CHN1: variants seen among roughly 807,000 people sequenced by gnomAD.
CHN1 encodes N-chimaerin.
CHN1 carries 37 observed loss-of-function variants against 59.5 expected under a neutral mutation model. The observed-to-expected ratio is 0.62, with a 90% CI of 0.48 to 0.82. CHN1 has a LOEUF of 0.82. Ranked by LOEUF, CHN1 falls within the 40% of genes least tolerant of loss-of-function variation. The pLI, the probability that CHN1 is intolerant of heterozygous loss-of-function variation, is 0.00. For missense variants in CHN1, 469 were observed against 571.0 expected (o/e 0.82, Z 1.82); for synonymous variants, 206 against 200.4 (o/e 1.03, Z -0.24).
chr2:174,922,697 TATTC>T (rs976397123), intron 3 of CHN1, among the ~76,000 whole-genome samples: 3 of 152,236 alleles, frequency 2.0e-5, no homozygotes, highest in Admixed American at 6.5e-5. Flanking sequence ...GTCATTCATT[TATTC>T]ATTCATTCAC....
intron 1 of CHN1, among the ~76,000 whole-genome samples, chr2:175,001,392 A>G (rs903691295): frequency 6.6e-6 from 1 of 152,244 alleles, no homozygotes; most frequent in Non-Finnish European, 1.5e-5. Context: ...TTTCCTAACT[A>G]CATCACAAAG....
chr2:174,994,181 G>A (rs1691633509), intron 1 of CHN1, among the ~76,000 whole-genome samples: 1 of 152,158 alleles, frequency 6.6e-6, no homozygotes, highest in African/African-American at 2.4e-5. Flanking sequence ...AACATCTGCT[G>A]GTGGTTAGTA....
At chr2:174,890,759 C>A (rs1168904379) in intron 5 of CHN1, among the ~76,000 whole-genome samples, 5 of 152,040 alleles carry the variant, frequency 3.3e-5, no homozygotes, top group African/African-American at 1.2e-4. Context: ...GAACACTCCA[C>A]CAAACAGCAG....
chr2:174,991,098 TG>T (rs1311715999), intron 1 of CHN1, among the ~76,000 whole-genome samples: 2 of 152,240 alleles, frequency 1.3e-5, no homozygotes, highest in African/African-American at 4.8e-5. Context: ...GTGAGCTTTT[TG>T]GTCTACTACT....
At chr2:174,824,543 G>A in intron 7 of CHN1, 25 bp from the exon 8 acceptor site, 1 of 1,509,532 alleles carries the variant, frequency 6.6e-7, no homozygotes, top group Admixed American at 1.9e-5. Flanking sequence ...GAGGGGCAAA[G>A]TCAGGAAAGG....
intron 6 of CHN1, among the ~76,000 whole-genome samples, chr2:174,857,635 T>C (rs1244860453): frequency 1.3e-5 from 2 of 152,176 alleles, no homozygotes; most frequent in East Asian, 1.9e-4. Flanking sequence ...AGGCTCTTCC[T>C]AATCAAAAGC....
chr2:174,978,233 T>C (rs1446683287), intron 1 of CHN1, among the ~76,000 whole-genome samples: 4 of 152,226 alleles, frequency 2.6e-5, no homozygotes, highest in Non-Finnish European at 5.9e-5. Flanking sequence ...TTCTTCAACC[T>C]AGAACATTTC....
chr2:174,935,162 G>A (rs372958956), intron 3 of CHN1, among the ~76,000 whole-genome samples: 35 of 152,312 alleles, frequency 2.3e-4, no homozygotes, highest in African/African-American at 6.0e-4. Flanking sequence ...CTTGGCCAGA[G>A]GAGCTGCATA....
At chr2:174,809,424 C>T (rs1685004507) in intron 10 of CHN1, among the ~76,000 whole-genome samples, 1 of 152,162 alleles carries the variant, frequency 6.6e-6, no homozygotes, top group Non-Finnish European at 1.5e-5. Flanking sequence ...GGCACCTCGT[C>T]TATGCTCTAT....
intron 6 of CHN1, among the ~76,000 whole-genome samples, chr2:174,871,616 A>G (rs920890015): frequency 3.3e-5 from 5 of 152,174 alleles, no homozygotes. Context: ...TTTCTCATCT[A>G]CAAAGGTGTT....
intron 1 of CHN1, among the ~76,000 whole-genome samples, chr2:174,960,916 C>T (rs1410063378): frequency 2.0e-5 from 3 of 151,582 alleles, no homozygotes; most frequent in African/African-American, 7.3e-5. Flanking sequence ...CACTTGAGTA[C>T]AGGAGTTCAA....
intron 5 of CHN1, among the ~76,000 whole-genome samples, chr2:174,895,528 C>T (rs906407347): frequency 3.9e-5 from 6 of 151,962 alleles, no homozygotes; most frequent in Non-Finnish European, 5.9e-5. Context: ...GTTAACAATA[C>T]TGTAATTGCA....
At position 174,812,336 on chromosome 2, in the gene CHN1, T is replaced by C. The variant is rs1366562731; in HGVS notation, c.859A>G (p.Met287Val). 5.6e-6 allele frequency: 9 copies of C among 1,613,758 alleles called. No individual in the cohort carries two copies. The highest frequency in any genetic ancestry group is 7.6e-6 in the Non-Finnish European group (9 of 1,179,768). Reference protein sequence around the residue: ...HTTKRPMVVDMCIREIESRGL... With the variant: ...HTTKRPMVVDVCIREIESRGL... ...CTAGACTCAATCTCCCTGATGCACATGTCTACCACCATTGGCCGCTTAGTG... is the reference window on the plus strand; with the variant it reads ...CTAGACTCAATCTCCCTGATGCACACGTCTACCACCATTGGCCGCTTAGTG... The change falls in exon 9 of 13, where the codon ATG becomes GTG. Residue 287 changes from methionine (M) to valine (V), a missense_variant. Physicochemically the swap from Met to Val is conservative, Grantham distance 21. Around this residue, in one of 5 missense-constraint regions of CHN1, gnomAD observed 225 missense variants for 289.9 expected, o/e 0.78. Transcript: ENST00000409900.
chr2:174,923,792 A>G (rs546591389), intron 3 of CHN1, among the ~76,000 whole-genome samples: 30 of 152,232 alleles, frequency 2.0e-4, no homozygotes, highest in Non-Finnish European at 3.4e-4. Context: ...CTAAGTAATC[A>G]TCTTCAGAAA....
Position 174,970,754 on chromosome 2 carries a change from A to C in CHN1, c.20-18552T>G, listed in dbSNP as rs760643569. Reference sequence around the variant, plus strand: ...TCATTGATATGGTTTCAAAGTCTACATTGCAATTGACCTTTAAAAAACTAC... The same window carrying C: ...TCATTGATATGGTTTCAAAGTCTACCTTGCAATTGACCTTTAAAAAACTAC... On this transcript the variant is annotated intron_variant, in intron 1 of 12. Transcript: ENST00000409900. Among the ~76,000 whole-genome samples the C allele has an allele frequency of 2.6e-5, 4 of 152,346 alleles. No homozygotes were observed. The South Asian group carries it at 8.3e-4, about 32-fold the overall frequency.
chr2:174,862,825 T>A (rs890837679), intron 6 of CHN1, among the ~76,000 whole-genome samples: 1 of 151,178 alleles, frequency 6.6e-6, no homozygotes, highest in Admixed American at 6.7e-5. Context: ...CCTTTAGAGA[T>A]GGTTGTCTTG....
chr2:174,946,797 C>T (rs1689849081), intron 2 of CHN1, among the ~76,000 whole-genome samples: 1 of 150,926 alleles, frequency 6.6e-6, no homozygotes, highest in African/African-American at 2.4e-5. Context: ...GGCACAGTGG[C>T]TCACACTTGT....
At chr2:174,933,123 G>C (rs1390879514) in intron 3 of CHN1, among the ~76,000 whole-genome samples, 2 of 152,178 alleles carry the variant, frequency 1.3e-5, no homozygotes, top group African/African-American at 4.8e-5. Flanking sequence ...ATTTCTGTTG[G>C]AGATGTCTAT....
chr2:174,810,594 G>A (rs925719014), intron 10 of CHN1, among the ~76,000 whole-genome samples: 3 of 152,156 alleles, frequency 2.0e-5, no homozygotes, highest in African/African-American at 7.2e-5. Flanking sequence ...ATCTGGCAGG[G>A]ATTCAGGACT....
Sources: allele counts gnomAD v4.1 joint callset (sites outside exome capture counted in the v4.1 genomes callset), GRCh38; gene constraint gnomAD v4.1.1; regional missense constraint gnomAD v4.1.1; transcripts MANE v1.5; gene names NCBI Gene and HGNC (gene_info 2026-07-23, HGNC 2026-07-21).